Variants in SLIT1 observed in about 807,000 individuals in gnomAD.
SLIT1 encodes slit homolog 1 protein.
Under a neutral mutation model 186.1 loss-of-function variants are expected in SLIT1, and 66 were observed. That is an observed-to-expected ratio of 0.35 (90% CI 0.29 to 0.44). The LOEUF is 0.44. Ranked by LOEUF, SLIT1 falls within the 20% of genes least tolerant of loss-of-function variation. SLIT1 has a pLI of 1.00. For missense variants in SLIT1, 1,638 were observed against 2,037.4 expected (o/e 0.80, Z 3.77); for synonymous variants, 761 against 833.8 (o/e 0.91, Z 1.50).
chr10:97,145,210 C>T (rs1589410200), intron 4 of SLIT1, among the ~76,000 whole-genome samples: 1 of 152,140 alleles, frequency 6.6e-6, no homozygotes, highest in African/African-American at 2.4e-5. Context: ...GGTGCGGTCC[C>T]GGGTTCAAGC....
chr10:97,172,934 G>A (rs992921413), intron 1 of SLIT1, among the ~76,000 whole-genome samples: 14 of 148,164 alleles, frequency 9.4e-5, no homozygotes, highest in African/African-American at 3.2e-4. Context: ...AAGGAAGGAG[G>A]GAGAGAGAGA....
chr10:97,172,767 C>T lies in SLIT1; in HGVS notation c.198-7877G>A, dbSNP rs889615958. On this transcript the variant is annotated intron_variant, in intron 1 of 36. Transcript: ENST00000266058. Reference sequence around the variant, plus strand: ...GAAAATTTTATTTTAATTAACCAGGCGTGGTAATCTCAGCTCCTTGGGAGA... The same window carrying T: ...GAAAATTTTATTTTAATTAACCAGGTGTGGTAATCTCAGCTCCTTGGGAGA... Among the ~76,000 whole-genome samples, 8 of 152,022 alleles carry T rather than the reference C, an allele frequency of 5.3e-5. No individual in the cohort carries two copies. The South Asian group carries it at 6.2e-4, about 12-fold the overall frequency.
chr10:97,064,912 C>T (rs777010985), intron 5 of SLIT1, 36 bp from the exon 6 acceptor site: 2 of 1,565,706 alleles, frequency 1.3e-6, no homozygotes, highest in African/African-American at 2.7e-5. Flanking sequence ...GAGAAGGGCA[C>T]ATTGCCTAGA....
chr10:97,063,227 C>G (rs1340338964), intron 8 of SLIT1, among the ~76,000 whole-genome samples: 1 of 149,672 alleles, frequency 6.7e-6, no homozygotes, highest in Non-Finnish European at 1.5e-5. Context: ...ATGGATGGGG[C>G]AGGAGGAGCA....
rs1024358546 is a variant in SLIT1 at position 97,131,385 on chromosome 10, C to CTT, written c.413+26431_413+26432dup. ...GTGGATGTGAAGCCACAAATAAGGC[C>CTT]TTTCTTCAGGCTGCGCCCACCCAGC... On this transcript the variant is annotated intron_variant, in intron 4 of 36. Coordinates refer to ENST00000266058, the MANE Select transcript of SLIT1 (RefSeq NM_003061.3). Among the ~76,000 whole-genome samples, 164 of 152,384 alleles carry CTT rather than the reference C, an allele frequency of 1.1e-3. 1 individual carries two copies. Among genetic ancestry groups the CTT allele is most frequent in the African/African-American group, 3.7e-3 (152 of 41,594 alleles).
intron 1 of SLIT1, among the ~76,000 whole-genome samples, chr10:97,183,350 G>A (rs1376632056): frequency 6.6e-6 from 1 of 152,164 alleles, no homozygotes; most frequent in Non-Finnish European, 1.5e-5. Context: ...TTAAAATAAT[G>A]AGATTCCCCT....
At chr10:97,167,469 GA>G (rs1451492785) in intron 1 of SLIT1, among the ~76,000 whole-genome samples, 1 of 152,170 alleles carries the variant, frequency 6.6e-6, no homozygotes, top group Non-Finnish European at 1.5e-5. Flanking sequence ...ATTATAAGAG[GA>G]AAAATCTTTA....
intron 11 of SLIT1, chr10:97,057,633 A>G (rs1444609263): frequency 8.3e-6 from 3 of 363,460 alleles, no homozygotes; most frequent in African/African-American, 4.1e-5. Flanking sequence ...GAGATTGTTG[A>G]GAGAAGAGAA....
rs1564655318 is a variant in SLIT1 at position 97,021,347 on chromosome 10, A to G, written c.2649T>C (p.Thr883=). ...GAGCAATGCCCGGTTCCTTGTAGCC[A>G]GTCTTCACCCAGCTGGACAGCCAGC... The part of the protein sequence containing the change: ...HLRWLSSWVK[T]GYKEPGIARC... Residue 883 remains threonine (T), a synonymous_variant, in exon 26 of 37, where the codon ACT becomes ACC. Transcript: ENST00000266058. This position sits in a 1 kb window ranked among gnomAD's most constrained non-coding sequence, Gnocchi z 4.5. 7 of 1,614,040 alleles carry G rather than the reference A, an allele frequency of 4.3e-6. No homozygotes were observed. Among genetic ancestry groups the G allele is most frequent in the Admixed American group, 3.3e-5 (2 of 60,006 alleles).
intron 4 of SLIT1, among the ~76,000 whole-genome samples, chr10:97,132,978 C>T (rs770680538): frequency 4.6e-5 from 7 of 152,162 alleles, no homozygotes; most frequent in Non-Finnish European, 8.8e-5. Context: ...GGCAGGCCCT[C>T]CTGAGGTTTA....
At chr10:97,158,891 A>AT (rs1849989325) in intron 3 of SLIT1, among the ~76,000 whole-genome samples, 1 of 151,884 alleles carries the variant, frequency 6.6e-6, no homozygotes, top group Non-Finnish European at 1.5e-5. Flanking sequence ...AGAAAAAAAA[A>AT]GCATGTCAAA....
At chr10:97,084,071 T>C (rs927724056) in intron 4 of SLIT1, among the ~76,000 whole-genome samples, 4 of 152,188 alleles carry the variant, frequency 2.6e-5, no homozygotes, top group Non-Finnish European at 4.4e-5. Flanking sequence ...AGAGGGCAAC[T>C]ACACCTCCTG....
At chr10:97,057,846 T>A in intron 11 of SLIT1, 1 of 590,884 alleles carries the variant, frequency 1.7e-6, no homozygotes, top group Non-Finnish European at 3.1e-6. Flanking sequence ...AAAAAACACA[T>A]GTAGACATGG....
chr10:97,004,353 G>T lies in SLIT1; in HGVS notation c.3711-131C>A, dbSNP rs568665920. On this transcript the variant is annotated intron_variant, in intron 33 of 36. Transcript: ENST00000266058. This position sits in a 1 kb window ranked among gnomAD's most constrained non-coding sequence, Gnocchi z 5.1. ...AATATCTAAGGAAAAGGACTGTGGGGGCTCAAGGGTCTATCGCATGATCCC... is the reference window on the plus strand; with the variant it reads ...AATATCTAAGGAAAAGGACTGTGGGTGCTCAAGGGTCTATCGCATGATCCC... 1.1e-6 allele frequency: 1 copy of T among 901,632 alleles called. No individual in the cohort carries two copies. Among genetic ancestry groups the T allele is most frequent in the Non-Finnish European group, 1.7e-6 (1 of 585,310 alleles). 55.9% of individuals were successfully genotyped at this position (901,632 alleles called of 1,614,324 possible). A position where few individuals can be genotyped will look rare whatever the true frequency, so the allele number is the denominator to read the frequency against.
At chr10:97,015,336 T>G (rs1381261404) in intron 28 of SLIT1, among the ~76,000 whole-genome samples, 1 of 152,186 alleles carries the variant, frequency 6.6e-6, no homozygotes, top group Non-Finnish European at 1.5e-5. Context: ...AGGTTTCCAG[T>G]TCTGTGCACT....
chr10:97,021,321 C>T lies in SLIT1; in HGVS notation c.2675G>A (p.Arg892His), dbSNP rs759717138. 1.9e-6 allele frequency: 3 copies of T among 1,614,166 alleles called. No individual in the cohort carries two copies. The highest frequency in any genetic ancestry group is 2.2e-5 in the South Asian group (2 of 91,082). The change falls in exon 26 of 37, where the codon CGT becomes CAT. Residue 892 changes from arginine to histidine, a missense_variant. Physicochemically the swap from Arg to His is conservative, Grantham distance 29. Coordinates refer to ENST00000266058, the MANE Select transcript of SLIT1 (RefSeq NM_003061.3). This position sits in a 1 kb window ranked among gnomAD's most constrained non-coding sequence, Gnocchi z 4.5. ...CTCCATGTCCTGGGGCCCAGCACAA[C>T]GAGCAATGCCCGGTTCCTTGTAGCC... is the stretch of plus-strand genomic sequence containing the variant. Reference protein sequence around the residue: ...KTGYKEPGIARCAGPQDMEGK... With the variant: ...KTGYKEPGIAHCAGPQDMEGK...
intron 4 of SLIT1, among the ~76,000 whole-genome samples, chr10:97,089,139 A>G (rs1489282062): frequency 2.6e-5 from 4 of 152,234 alleles, no homozygotes; most frequent in African/African-American, 9.6e-5. Context: ...AAGGCAAGGG[A>G]ATCTGAGACA....
At chr10:97,047,661 G>GGAGGGCT in intron 16 of SLIT1, 29 bp downstream of exon 16, 1 of 1,607,158 alleles carries the variant, frequency 6.2e-7, no homozygotes, top group Non-Finnish European at 8.5e-7. Context: ...TAGGGACAGG[G>GGAGGGCT]GAGGGCTGGG....
intron 18 of SLIT1, among the ~76,000 whole-genome samples, chr10:97,044,954 C>T (rs1248042806): frequency 1.3e-5 from 2 of 152,186 alleles, no homozygotes; most frequent in Admixed American, 1.3e-4. Flanking sequence ...GTGGAGCCCT[C>T]ATGAATGGAG....
Sources: gnomAD v4.1 joint callset for allele counts (sites outside exome capture counted in the v4.1 genomes callset) on GRCh38, gnomAD v4.1.1 for gene constraint, Gnocchi (gnomAD v3.1) non-coding constraint, MANE v1.5 for transcripts, NCBI Gene and HGNC (gene_info 2026-07-23, HGNC 2026-07-21) for gene names.